The following ROS1 variants were observed in gnomAD, a reference collection of about 807,000 sequenced individuals.
The protein encoded by ROS1 is proto-oncogene tyrosine-protein kinase ROS.
ROS1 carries 263 observed loss-of-function variants against 273.5 expected under a neutral mutation model. That is an observed-to-expected ratio of 0.96 (90% CI 0.87 to 1.06). The LOEUF is 1.06. Ranked by LOEUF, ROS1 falls within the 50% of genes least tolerant of loss-of-function variation. The pLI is 0.00. For synonymous variants in ROS1, 1,008 were observed against 954.1 expected (o/e 1.06, Z -1.04); for missense variants, 2,833 against 2,751.1 (o/e 1.03, Z -0.67).
At chr6:117,375,455 T>A (rs1005486291) in intron 18 of ROS1, among the ~76,000 whole-genome samples, 1 of 152,078 alleles carries the variant, frequency 6.6e-6, no homozygotes, top group Admixed American at 6.5e-5. Flanking sequence ...ATAAATTTTT[T>A]AAAAAAAGAA....
intron 21 of ROS1, among the ~76,000 whole-genome samples, chr6:117,363,689 C>T (rs1469391129): frequency 2.0e-5 from 3 of 152,116 alleles, no homozygotes; most frequent in Admixed American, 6.5e-5. Flanking sequence ...TTTCCATTTC[C>T]CAAAGGCACC....
rs534325113 is a variant in ROS1, at chr6:117,315,217, G to A, written c.6117+1926C>T. Among the ~76,000 whole-genome samples the A allele has an allele frequency of 3.9e-5, 6 of 152,106 alleles. No homozygotes were observed. In the East Asian group the frequency reaches 1.2e-3, roughly 29 times the overall value. ...GTTGAGGAAGTCTATCACAATAGAAGGCAAAATGACAAAAGCTAGAAAATA... is the reference window on the plus strand; with the variant it reads ...GTTGAGGAAGTCTATCACAATAGAAAGCAAAATGACAAAAGCTAGAAAATA... On this transcript the variant is annotated intron_variant, in intron 39 of 43. Transcript: ENST00000368507.
At chr6:117,389,879 T>C (rs199685217) in intron 12 of ROS1, 33 bp from the exon 13 acceptor site, 2 of 1,578,814 alleles carry the variant, frequency 1.3e-6, no homozygotes, top group Non-Finnish European at 1.7e-6. Flanking sequence ...CTCATGAGAT[T>C]CAGTCCAAAG....
At chr6:117,314,016 G>A (rs1169128655) in intron 39 of ROS1, among the ~76,000 whole-genome samples, 2 of 152,048 alleles carry the variant, frequency 1.3e-5, no homozygotes, top group African/African-American at 4.8e-5. Context: ...TAAGCATTAG[G>A]ATCCTGGGTG....
intron 12 of ROS1, among the ~76,000 whole-genome samples, chr6:117,391,704 G>C (rs1365697100): frequency 6.6e-6 from 1 of 152,186 alleles, no homozygotes; most frequent in South Asian, 2.1e-4. Context: ...TTAGAAGACA[G>C]GCCCTGGAGC....
At chr6:117,412,605 C>CAGATAGATAGATAGATAGATAGAT (rs3836982) in intron 4 of ROS1, among the ~76,000 whole-genome samples, 68 of 151,264 alleles carry the variant, frequency 4.5e-4, no homozygotes, top group African/African-American at 1.6e-3. Flanking sequence ...GATAGATAGA[C>CAGATAGATAGATAGATAGATAGAT]AGATAGATAG....
chr6:117,414,565 G>T lies in ROS1; in HGVS notation c.229-20C>A, dbSNP rs745611052. ...ATCATTCTGCATAGAAAAAAAAAAA[G>T]ACTACTTAAAATCTTGAAAGTTGTA... On this transcript the variant is annotated intron_variant, in intron 3 of 43. Transcript: ENST00000368507. The T allele has an allele frequency of 9.9e-6, 7 of 708,586 alleles. No individual in the cohort carries two copies. In the South Asian group the frequency reaches 1.1e-4, roughly 11 times the overall value. 43.9% of individuals were successfully genotyped at this position (708,586 alleles called of 1,614,324 possible).
At chr6:117,372,298 A>G (rs1483460386) in intron 18 of ROS1, among the ~76,000 whole-genome samples, 1 of 152,250 alleles carries the variant, frequency 6.6e-6, no homozygotes, top group African/African-American at 2.4e-5. Context: ...GTAAAGAGGA[A>G]GTCATACTAT....
At position 117,365,640 on chromosome 6, in the gene ROS1, G is replaced by A. The variant is rs1369931780; in HGVS notation, c.2899C>T (p.Pro967Ser). Residue 967 changes from proline to serine, a missense_variant, in exon 20 of 44, where the codon CCC (proline) becomes TCC (serine). Transcript: ENST00000368507. ...ACTACACCCCAGTCTACCGCAGGGG[G>A]ACCATTCCACAGGATTTGAAAACTT... is the stretch of plus-strand genomic sequence containing the variant. Reference protein sequence around the residue: ...ASSFQILWNGPPAVDWGVVFY... With the variant: ...ASSFQILWNGSPAVDWGVVFY... The A allele has an allele frequency of 6.2e-7, 1 of 1,612,528 alleles. No homozygotes were observed. The highest frequency in any genetic ancestry group is 1.1e-5 in the South Asian group (1 of 90,998).
At chr6:117,400,802 A>G (rs1773872625) in intron 7 of ROS1, among the ~76,000 whole-genome samples, 1 of 152,070 alleles carries the variant, frequency 6.6e-6, no homozygotes, top group African/African-American at 2.4e-5. Context: ...CACTTTCAGC[A>G]TATTGCCTCC....
chr6:117,298,502 C>T (rs1001810527), intron 43 of ROS1, among the ~76,000 whole-genome samples: 3 of 152,132 alleles, frequency 2.0e-5, no homozygotes, highest in Admixed American at 6.5e-5. Flanking sequence ...ATTGGCAAAC[C>T]GCTCTGCATG....
chr6:117,368,601 C>T (rs749726716), intron 18 of ROS1, among the ~76,000 whole-genome samples: 7 of 151,904 alleles, frequency 4.6e-5, no homozygotes, highest in Non-Finnish European at 7.4e-5. Flanking sequence ...TTAGTATGAC[C>T]GAGGAACCAA....
chr6:117,365,168 T>C lies in ROS1; in HGVS notation c.2995A>G (p.Thr999Ala). 1.2e-6 allele frequency: 2 copies of C among 1,612,168 alleles called. No individual in the cohort carries two copies. Among genetic ancestry groups the C allele is most frequent in the Non-Finnish European group, 1.7e-6 (2 of 1,178,454 alleles). ...ASEQHSLPVF[T>A]VEGLEPYALF... ...GCATAAGGTTCCAGTCCTTCCACAG[T>C]AAATACAGGTAAAGAGTGTTGTTCA... The change falls in exon 21 of 44, where the codon ACT (threonine) becomes GCT (alanine). Residue 999 changes from threonine (T) to alanine (A), a missense_variant. Physicochemically the swap from Thr to Ala is moderately conservative, Grantham distance 58. Coordinates refer to ENST00000368507, the MANE Select transcript of ROS1 (RefSeq NM_001378902.1).
chr6:117,329,174 T>A (rs1776869097), intron 33 of ROS1, among the ~76,000 whole-genome samples, 155 bp downstream of exon 33: 1 of 152,248 alleles, frequency 6.6e-6, no homozygotes, highest in Non-Finnish European at 1.5e-5. Context: ...CGTCTAGGAA[T>A]TGAGCAAAGA....
rs867263615 is a variant in ROS1 at position 117,362,679 on chromosome 6, A to G, written c.3290T>C (p.Ile1097Thr). Residue 1097 changes from isoleucine to threonine, a missense_variant, in exon 22 of 44, where the codon ATT (isoleucine) becomes ACT (threonine). By Grantham distance (89) the Ile-to-Thr change is moderately conservative. Coordinates refer to ENST00000368507, the MANE Select transcript of ROS1 (RefSeq NM_001378902.1). The stretch of plus-strand genomic sequence containing the variant: ...CACTGAGGGAGTGACATTGACAGCA[A>G]TCCAGTCTTCACATGTTTTGTTTGT... ...SITNKTCEDW[I>T]AVNVTPSVMS... 9 of 1,613,446 alleles carry G rather than the reference A, an allele frequency of 5.6e-6. 1 individual carries two copies. The Middle Eastern group carries it at 1.2e-3, about 207-fold the overall frequency.
At chr6:117,348,801 G>T (rs1778582080) in intron 27 of ROS1, among the ~76,000 whole-genome samples, 1 of 151,490 alleles carries the variant, frequency 6.6e-6, no homozygotes, top group Non-Finnish European at 1.5e-5. Context: ...TTCATTTTTA[G>T]TTCAAAATAT....
At chr6:117,369,459 A>G (rs1451150553) in intron 18 of ROS1, among the ~76,000 whole-genome samples, 4 of 152,130 alleles carry the variant, frequency 2.6e-5, no homozygotes, top group African/African-American at 4.8e-5. Flanking sequence ...CTGTAGTCCC[A>G]GCTACTCAGG....
intron 28 of ROS1, among the ~76,000 whole-genome samples, chr6:117,343,767 T>A (rs760374453): frequency 6.6e-6 from 1 of 152,200 alleles, no homozygotes; most frequent in Non-Finnish European, 1.5e-5. Context: ...TCATTCTCTC[T>A]GAGGATAATT....
chr6:117,328,779 G>A (rs2128590996), intron 33 of ROS1: 2 of 613,856 alleles, frequency 3.3e-6, no homozygotes. Flanking sequence ...CTGTTCATCA[G>A]TGGCTGGTTT....
Sources: gnomAD v4.1 joint callset for allele counts (sites outside exome capture counted in the v4.1 genomes callset) on GRCh38, gnomAD v4.1.1 for gene constraint, MANE v1.5 for transcripts, NCBI Gene and HGNC (gene_info 2026-07-23, HGNC 2026-07-21) for gene names.